Variants in IYD observed in about 807,000 individuals in gnomAD.
IYD encodes the protein iodotyrosine deiodinase.
A neutral mutation model predicts 28.4 loss-of-function variants in IYD; 25 were observed. That is an observed-to-expected ratio of 0.88 (90% CI 0.64 to 1.23). IYD has a LOEUF of 1.23. Ranked by LOEUF, IYD falls within the 50% of genes most tolerant of loss-of-function variation. The pLI, the probability that IYD is intolerant of heterozygous loss-of-function variation, is 0.00. For synonymous variants in IYD, 140 were observed against 130.8 expected (o/e 1.07, Z -0.48); for missense variants, 352 against 357.9 (o/e 0.98, Z 0.13).
chr6:150,381,838 T>C (rs922200636), intron 1 of IYD, among the ~76,000 whole-genome samples: 7 of 152,250 alleles, frequency 4.6e-5, no homozygotes, highest in African/African-American at 1.7e-4. Flanking sequence ...TTTTCACTAT[T>C]GTATAGTATT....
intron 1 of IYD, among the ~76,000 whole-genome samples, chr6:150,381,163 C>T (rs1777633660): frequency 6.6e-6 from 1 of 152,138 alleles, no homozygotes; most frequent in Non-Finnish European, 1.5e-5. Flanking sequence ...TATTAAACTC[C>T]AAATCTTTCT....
chr6:150,388,466 A>AT (rs1296088033), intron 1 of IYD, among the ~76,000 whole-genome samples: 1 of 152,166 alleles, frequency 6.6e-6, no homozygotes, highest in Non-Finnish European at 1.5e-5. Flanking sequence ...AGGCTCAACG[A>AT]TTTTAAAAAA....
At chr6:150,370,302 T>C (rs1310014380) in intron 1 of IYD, among the ~76,000 whole-genome samples, 1 of 150,604 alleles carries the variant, frequency 6.6e-6, no homozygotes, top group African/African-American at 2.5e-5. Context: ...TGAGTGTGTG[T>C]GCATGAGTGT....
chr6:150,388,627 TTTGCTTTCTTTCTTTC>T (rs1322470933), intron 1 of IYD, among the ~76,000 whole-genome samples: 36 of 129,002 alleles, frequency 2.8e-4, no homozygotes, highest in Non-Finnish European at 3.9e-4. Context: ...GTCTGGAGTT[TTTGCTTTCTTTCTTTC>T]TTTCTTTCTT....
At position 150,398,559 on chromosome 6, in the gene IYD, C is replaced by A. The variant is rs1051680770; in HGVS notation, c.*322C>A. 1 of 246,702 alleles carries A rather than the reference C, an allele frequency of 4.1e-6. No homozygotes were observed. The highest frequency in any genetic ancestry group is 7.8e-6 in the Non-Finnish European group (1 of 128,442). 15.3% of individuals were successfully genotyped at this position (246,702 alleles called of 1,614,324 possible). A position where few individuals can be genotyped will look rare whatever the true frequency, so the allele number is the denominator to read the frequency against. On this transcript the variant is annotated 3_prime_UTR_variant, in exon 5 of 5. Transcript: ENST00000344419. ...TTTTAAAAAACTCACATAGAGGAGA[C>A]AATCAGAAATTTACCATAGTCCCAA...
chr6:150,396,505 G>C, intron 4 of IYD: 1 of 697,614 alleles, frequency 1.4e-6, no homozygotes, highest in South Asian at 1.5e-5. Flanking sequence ...AATTCAGTAT[G>C]GAGTAAAAGC....
At chr6:150,379,853 C>A (rs192923453) in intron 1 of IYD, among the ~76,000 whole-genome samples, 1 of 152,308 alleles carries the variant, frequency 6.6e-6, no homozygotes, top group African/African-American at 2.4e-5. Context: ...TACTCCTACA[C>A]CTCCCATCTC....
At chr6:150,389,257 C>A in intron 1 of IYD, 95 bp from the exon 2 acceptor site, 1 of 870,406 alleles carries the variant, frequency 1.1e-6, no homozygotes, top group Non-Finnish European at 1.9e-6. Flanking sequence ...AGTTCATAAC[C>A]TTACACATTT....
At chr6:150,375,776 C>A (rs1269805132) in intron 1 of IYD, among the ~76,000 whole-genome samples, 1 of 152,150 alleles carries the variant, frequency 6.6e-6, no homozygotes, top group African/African-American at 2.4e-5. Context: ...AGATGCTGAG[C>A]CCTGAAGTGG....
intron 1 of IYD, among the ~76,000 whole-genome samples, chr6:150,388,778 T>A (rs1278363965): frequency 6.7e-6 from 1 of 149,586 alleles, no homozygotes; most frequent in East Asian, 2.0e-4. Context: ...CTCGGCTCAC[T>A]GCAACTTCTG....
At chr6:150,394,616 T>C (rs1316009948) in intron 4 of IYD, among the ~76,000 whole-genome samples, 1 of 152,162 alleles carries the variant, frequency 6.6e-6, no homozygotes, top group Non-Finnish European at 1.5e-5. Context: ...ATGGAATGAC[T>C]AAAAAGCCAT....
chr6:150,380,388 TA>T (rs1777604178), intron 1 of IYD, among the ~76,000 whole-genome samples: 1 of 152,126 alleles, frequency 6.6e-6, no homozygotes, highest in Non-Finnish European at 1.5e-5. Context: ...AGCAGATGTC[TA>T]AAAAAAGAAA....
rs543294930 is a variant in IYD, at chr6:150,370,336, C to T, written c.178+1127C>T. Reference sequence around the variant, plus strand: ...GTGTGTGCACGAGTGGGTGAGTGTGCGTGTGAGTGTGCACGTGTGTGCATG... The same window carrying T: ...GTGTGTGCACGAGTGGGTGAGTGTGTGTGTGAGTGTGCACGTGTGTGCATG... On this transcript the variant is annotated intron_variant, in intron 1 of 4. Coordinates refer to ENST00000344419, the MANE Select transcript of IYD (RefSeq NM_203395.3). 1.4e-4 allele frequency: 27 copies of T among 193,300 alleles called. No homozygotes were observed. In the South Asian group the frequency reaches 2.3e-3, roughly 16 times the overall value. 12.0% of individuals were successfully genotyped at this position (193,300 alleles called of 1,614,324 possible). A position where few individuals can be genotyped will look rare whatever the true frequency, so the allele number is the denominator to read the frequency against.
At position 150,400,975 on chromosome 6, in the gene IYD, T is replaced by C. The variant is rs1778493512; in HGVS notation, c.*2738T>C. The C allele has an allele frequency of 2.0e-5, 3 of 152,190 alleles. No individual in the cohort carries two copies. Among genetic ancestry groups the C allele is most frequent in the South Asian group, 4.1e-4 (2 of 4,828 alleles). 9.4% of individuals were successfully genotyped at this position (152,190 alleles called of 1,614,324 possible). ...TATTGTTAGTGATGTGAGTGATGCCTGCTGAAGTACTGAGAGATGAAGCAT... is the reference window on the plus strand; with the variant it reads ...TATTGTTAGTGATGTGAGTGATGCCCGCTGAAGTACTGAGAGATGAAGCAT... On this transcript the variant is annotated 3_prime_UTR_variant, in exon 5 of 5. Coordinates refer to ENST00000344419, the MANE Select transcript of IYD (RefSeq NM_203395.3).
chr6:150,371,472 A>C (rs1196019692), intron 1 of IYD, among the ~76,000 whole-genome samples: 1 of 151,664 alleles, frequency 6.6e-6, no homozygotes, highest in Non-Finnish European at 1.5e-5. Context: ...CATCAAGGAA[A>C]GGCCACTGGA....
At position 150,400,333 on chromosome 6, in the gene IYD, T is replaced by C. The variant is rs1245343449; in HGVS notation, c.*2096T>C. Reference sequence around the variant, plus strand: ...CATGGTTCTCACTCTTTGCAGGCACTCTTCAAATTTTTATTTTAAAAATTA... The same window carrying C: ...CATGGTTCTCACTCTTTGCAGGCACCCTTCAAATTTTTATTTTAAAAATTA... On this transcript the variant is annotated 3_prime_UTR_variant, in exon 5 of 5. Transcript: ENST00000344419. 1 of 152,240 alleles carries C rather than the reference T, an allele frequency of 6.6e-6. No homozygotes were observed. Among genetic ancestry groups the C allele is most frequent in the East Asian group, 1.9e-4 (1 of 5,200 alleles). 9.4% of individuals were successfully genotyped at this position (152,240 alleles called of 1,614,324 possible).
Position 150,403,634 on chromosome 6 carries a change from G to A in IYD, c.*5397G>A. The A allele has an allele frequency of 6.6e-6, 1 of 152,256 alleles. No homozygotes were observed. The highest frequency in any genetic ancestry group is 2.4e-5 in the African/African-American group (1 of 41,470). 9.4% of individuals were successfully genotyped at this position (152,256 alleles called of 1,614,324 possible). On this transcript the variant is annotated 3_prime_UTR_variant, in exon 5 of 5. Coordinates refer to ENST00000344419, the MANE Select transcript of IYD (RefSeq NM_203395.3). ...CCAGGGGCAGGCTCAAGGGAGAACAGCCCCCAAAGCTAAGATCCTGCCAAG... is the reference window on the plus strand; with the variant it reads ...CCAGGGGCAGGCTCAAGGGAGAACAACCCCCAAAGCTAAGATCCTGCCAAG...
chr6:150,374,383 CTT>C (rs752215037), intron 1 of IYD, among the ~76,000 whole-genome samples: 2 of 152,174 alleles, frequency 1.3e-5, no homozygotes, highest in African/African-American at 2.4e-5. Flanking sequence ...ACTGGGGAAA[CTT>C]AGTGTATTAG....
chr6:150,396,157 T>C (rs986728553), intron 4 of IYD: 10 of 264,122 alleles, frequency 3.8e-5, no homozygotes, highest in South Asian at 2.4e-4. Context: ...GTGGATTTCA[T>C]TGGTGATAAA....
Sources: allele counts gnomAD v4.1 joint callset (sites outside exome capture counted in the v4.1 genomes callset), GRCh38; gene constraint gnomAD v4.1.1; transcripts MANE v1.5; gene names NCBI Gene and HGNC (gene_info 2026-07-23, HGNC 2026-07-21).